Variants in CHODL observed in about 807,000 individuals in gnomAD.
CHODL encodes transmembrane protein MT75.
CHODL carries 29 observed loss-of-function variants against 34.5 expected under a neutral mutation model. The ratio of observed to expected loss-of-function variants is 0.84; its 90% confidence interval spans 0.63 to 1.15. The LOEUF is 1.15. Ranked by LOEUF, CHODL falls within the 50% of genes most tolerant of loss-of-function variation. The pLI is 0.00. For missense variants in CHODL, 332 were observed against 332.5 expected (o/e 1.00, Z 0.01); for synonymous variants, 125 against 116.1 (o/e 1.08, Z -0.49).
intron 2 of CHODL, among the ~76,000 whole-genome samples, chr21:18,139,073 GTA>G (rs1201442830): frequency 6.6e-6 from 1 of 152,022 alleles, no homozygotes; most frequent in Non-Finnish European, 1.5e-5. Flanking sequence ...GTGCGCATGA[GTA>G]TGTGTAAAAG....
At chr21:18,015,197 G>A (rs1458733785) in intron 1 of CHODL, among the ~76,000 whole-genome samples, 1 of 152,158 alleles carries the variant, frequency 6.6e-6, no homozygotes, top group Non-Finnish European at 1.5e-5. Context: ...GGGTCTGATG[G>A]GAGGTGATTG....
At chr21:18,251,736 A>AATATATAAAATAAATATTTATTTTT (rs1175887362) in intron 1 of CHODL, among the ~76,000 whole-genome samples, 1 of 113,626 alleles carries the variant, frequency 8.8e-6, no homozygotes, top group African/African-American at 3.1e-5. Context: ...TATTTATTTT[A>AATATATAAAATAAATATTTATTTTT]TTTATTTTAT....
intron 2 of CHODL, among the ~76,000 whole-genome samples, chr21:18,101,305 G>T (rs149968201): frequency 6.6e-6 from 1 of 152,186 alleles, no homozygotes; most frequent in East Asian, 1.9e-4. Context: ...TCCAATAAAC[G>T]TCTTTCTTTT....
rs576667519 is a variant in CHODL at position 18,032,734 on chromosome 21, A to C, written c.-45+4763A>C. ...TTCCCCACTGAACAGAAGATACCAG[A>C]ACTTTTAAAAGCTAGCACTGTCTCT... On this transcript the variant is annotated intron_variant, in intron 2 of 6. Transcript: ENST00000400127. Among the ~76,000 whole-genome samples the C allele has an allele frequency of 2.6e-5, 4 of 152,152 alleles. No individual in the cohort carries two copies. The South Asian group carries it at 8.3e-4, about 32-fold the overall frequency.
chr21:18,250,536 A>C (rs1173727758), intron 1 of CHODL, among the ~76,000 whole-genome samples: 2 of 152,090 alleles, frequency 1.3e-5, no homozygotes, highest in African/African-American at 4.8e-5. Flanking sequence ...ACATTATAAA[A>C]TCTCTGTTGT....
upstream of CHODL, among the ~76,000 whole-genome samples, chr21:18,240,492 C>G (rs2074071281): frequency 6.6e-6 from 1 of 152,068 alleles, no homozygotes; most frequent in Non-Finnish European, 1.5e-5. Flanking sequence ...TACCGTAGTA[C>G]AATATCACCC....
chr21:18,196,761 T>C (rs181393561), intron 2 of CHODL, among the ~76,000 whole-genome samples: 278 of 152,270 alleles, frequency 1.8e-3, no homozygotes, highest in Non-Finnish European at 3.4e-3. Flanking sequence ...CCCTTTCATA[T>C]GCAGAATCTA....
intron 2 of CHODL, among the ~76,000 whole-genome samples, chr21:18,095,632 G>A (rs2065130898): frequency 1.3e-5 from 2 of 152,064 alleles, no homozygotes; most frequent in Admixed American, 6.6e-5. Flanking sequence ...GAGAAAGAGG[G>A]AGTATTTCCA....
At chr21:18,199,177 A>G (rs919053269) in intron 2 of CHODL, among the ~76,000 whole-genome samples, 4 of 152,156 alleles carry the variant, frequency 2.6e-5, no homozygotes, top group Non-Finnish European at 5.9e-5. Context: ...AAAATATGCA[A>G]AAGAGGAAAA....
At chr21:18,096,109 T>C (rs2065136645) in intron 2 of CHODL, among the ~76,000 whole-genome samples, 1 of 152,148 alleles carries the variant, frequency 6.6e-6, no homozygotes, top group African/African-American at 2.4e-5. Flanking sequence ...TTTACTGCAA[T>C]CTCTGAACAT....
chr21:18,037,993 C>T (rs2657207), intron 2 of CHODL, among the ~76,000 whole-genome samples: 22,093 of 151,622 alleles, frequency 0.15, 1,806 homozygotes, highest in Middle Eastern at 0.24. Context: ...CTCTTTATAA[C>T]TGGTTTTAAG....
chr21:18,027,039 G>A (rs1479058836), intron 1 of CHODL, among the ~76,000 whole-genome samples: 1 of 152,104 alleles, frequency 6.6e-6, no homozygotes, highest in East Asian at 1.9e-4. Context: ...TGCTTTGGGA[G>A]GCAGAAGTGG....
intron 1 of CHODL, among the ~76,000 whole-genome samples, chr21:18,013,458 C>T (rs568242097): frequency 6.6e-6 from 1 of 151,968 alleles, no homozygotes; most frequent in Admixed American, 6.6e-5. Flanking sequence ...GGGACTTGGT[C>T]CTTCCATCTT....
intron 2 of CHODL, among the ~76,000 whole-genome samples, chr21:18,060,810 G>A (rs889362248): frequency 1.3e-5 from 2 of 151,728 alleles, no homozygotes; most frequent in East Asian, 1.9e-4. Flanking sequence ...GAGTCAACTT[G>A]TTTCTGTGTC....
chr21:18,210,346 C>A (rs2073759700), intron 2 of CHODL, among the ~76,000 whole-genome samples: 1 of 152,184 alleles, frequency 6.6e-6, no homozygotes. Context: ...CTCTGTGCGA[C>A]ATGGCCACTG....
chr21:18,039,367 A>C (rs1478453862), intron 2 of CHODL, among the ~76,000 whole-genome samples: 1 of 151,640 alleles, frequency 6.6e-6, no homozygotes, highest in Non-Finnish European at 1.5e-5. Context: ...TAGGGAGTAA[A>C]GGCCTTAAGG....
At chr21:18,242,882 G>A (rs115990944), upstream of CHODL, among the ~76,000 whole-genome samples, 4,126 of 152,188 alleles carry the variant, frequency 0.027, 176 homozygotes, top group African/African-American at 0.095. Flanking sequence ...TGCTAGCTTT[G>A]TAGGCATGAG....
intron 1 of CHODL, among the ~76,000 whole-genome samples, chr21:18,016,949 T>C (rs1028241610): frequency 9.9e-5 from 15 of 152,232 alleles, no homozygotes; most frequent in African/African-American, 3.6e-4. Context: ...TGCGGCCCCA[T>C]TGTTTTGGCC....
chr21:18,171,223 G>T (rs1230667097), intron 2 of CHODL, among the ~76,000 whole-genome samples: 1 of 340 alleles, frequency 2.9e-3, no homozygotes, highest in Non-Finnish European at 7.6e-3. Context: ...TTTTTGAGAC[G>T]GAGTCTCGCT....
Sources: allele counts gnomAD v4.1 joint callset (sites outside exome capture counted in the v4.1 genomes callset), GRCh38; gene constraint gnomAD v4.1.1; transcripts MANE v1.5; gene names NCBI Gene and HGNC (gene_info 2026-07-23, HGNC 2026-07-21).